CFAP299: variants seen among roughly 807,000 people sequenced by gnomAD.
The protein encoded by CFAP299 is cilia and flagella associated protein 299.
CFAP299 carries 21 observed loss-of-function variants against 27.0 expected under a neutral mutation model. The observed-to-expected ratio is 0.78, with a 90% CI of 0.55 to 1.12. CFAP299 has a LOEUF of 1.12. CFAP299 is among the 50% of genes most tolerant of loss of function. The pLI is 0.00. For synonymous variants in CFAP299, 104 were observed against 98.1 expected, an observed-to-expected ratio of 1.06 and a Z score of -0.36; for missense variants, 310 against 276.6, an observed-to-expected ratio of 1.12 and a Z score of -0.86.
intron 4 of CFAP299, chr4:80,871,666 G>A: frequency 1.0e-6 from 1 of 973,586 alleles, no homozygotes; most frequent in Non-Finnish European, 1.2e-6. Flanking sequence ...TAAAAACACT[G>A]AATTCTATTA....
Position 80,402,740 on chromosome 4 carries a change from T to C in CFAP299, c.242+39856T>C, listed in dbSNP as rs562415048. Among the ~76,000 whole-genome samples, 41 of 152,336 alleles carry C rather than the reference T, an allele frequency of 2.7e-4. 1 individual carries two copies. The highest frequency in any genetic ancestry group is 9.1e-4 in the African/African-American group (38 of 41,580). On this transcript the variant is annotated intron_variant, in intron 2 of 5. Coordinates refer to ENST00000358105, the MANE Select transcript of CFAP299 (RefSeq NM_152770.3). ...AAACTGCTCTGGATTTCTAACAATA[T>C]TCTCCTGCCTCATATAACAAAATTA...
intron 2 of CFAP299, chr4:80,386,157 G>A (rs1234637627): frequency 3.4e-6 from 2 of 584,578 alleles, no homozygotes; most frequent in Admixed American, 3.2e-5. Context: ...GCCTTCCCAG[G>A]AAACGAACAC....
At chr4:80,902,458 A>C (rs374147096) in intron 4 of CFAP299, among the ~76,000 whole-genome samples, 28 of 117,576 alleles carry the variant, frequency 2.4e-4, no homozygotes, top group Middle Eastern at 9.2e-3. Context: ...ATACATATAT[A>C]CATATATGTA....
chr4:80,329,303 A>C, the CFAP299 span, among the ~76,000 whole-genome samples: 141 of 150,790 alleles, frequency 9.4e-4, no homozygotes, highest in African/African-American at 3.3e-3. Context: ...TACTTAGTTC[A>C]TCTTCTTCCT....
chr4:80,424,265 T>C (rs888515716), intron 2 of CFAP299, among the ~76,000 whole-genome samples: 4 of 152,196 alleles, frequency 2.6e-5, no homozygotes, highest in Admixed American at 2.6e-4. Context: ...GAAGGCAAGG[T>C]TGCAGTTTCA....
intron 4 of CFAP299, among the ~76,000 whole-genome samples, chr4:80,878,809 A>T (rs901196648): frequency 1.3e-5 from 2 of 152,122 alleles, no homozygotes; most frequent in African/African-American, 4.8e-5. Context: ...TCAATGTAGA[A>T]ATAAGCTATG....
chr4:80,494,305 C>T (rs943520750), intron 2 of CFAP299, among the ~76,000 whole-genome samples: 8 of 152,236 alleles, frequency 5.3e-5, no homozygotes, highest in Admixed American at 2.0e-4. Flanking sequence ...ACCAGCTCTT[C>T]GCACTATCCT....
chr4:80,961,751 C>T (rs1419316230), intron 5 of CFAP299, among the ~76,000 whole-genome samples: 1 of 151,848 alleles, frequency 6.6e-6, no homozygotes, highest in African/African-American at 2.4e-5. Context: ...AAGCATTGTA[C>T]TTTTTCCTGA....
At chr4:80,897,751 T>C (rs1181581545) in intron 4 of CFAP299, among the ~76,000 whole-genome samples, 1 of 152,180 alleles carries the variant, frequency 6.6e-6, no homozygotes, top group Non-Finnish European at 1.5e-5. Flanking sequence ...CTGTATAATC[T>C]ATTTGAGCAC....
chr4:80,571,002 G>A (rs1000429551), intron 2 of CFAP299, among the ~76,000 whole-genome samples: 2 of 152,060 alleles, frequency 1.3e-5, no homozygotes, highest in South Asian at 2.1e-4. Context: ...TCAAAAACAA[G>A]CAAAATTACA....
chr4:80,941,329 TA>T (rs1380278016), intron 4 of CFAP299, among the ~76,000 whole-genome samples: 2 of 152,162 alleles, frequency 1.3e-5, no homozygotes, highest in Non-Finnish European at 2.9e-5. Flanking sequence ...GAATTCACAC[TA>T]CCAGAAATTT....
At chr4:80,751,286 T>G (rs972437182) in intron 3 of CFAP299, among the ~76,000 whole-genome samples, 7 of 152,160 alleles carry the variant, frequency 4.6e-5, no homozygotes, top group Non-Finnish European at 8.8e-5. Flanking sequence ...TTGGGAGGTC[T>G]CAGTCAGGAG....
intron 4 of CFAP299, among the ~76,000 whole-genome samples, chr4:80,882,165 T>G (rs1196878577): frequency 6.6e-6 from 1 of 151,612 alleles, no homozygotes; most frequent in Non-Finnish European, 1.5e-5. Context: ...AGAATAGAGA[T>G]AAAAATTGGT....
intron 3 of CFAP299, among the ~76,000 whole-genome samples, chr4:80,732,660 C>A (rs1046622597): frequency 1.3e-5 from 2 of 152,154 alleles, no homozygotes; most frequent in Admixed American, 6.5e-5. Flanking sequence ...TCTTGCTTGA[C>A]ACTCTTTCCT....
At chr4:80,729,191 G>A (rs115103574) in intron 3 of CFAP299, among the ~76,000 whole-genome samples, 322 of 152,248 alleles carry the variant, frequency 2.1e-3, no homozygotes, top group Non-Finnish European at 3.3e-3. Flanking sequence ...TTAAGTTTCT[G>A]TGTGCAAGCT....
intron 5 of CFAP299, among the ~76,000 whole-genome samples, chr4:80,962,819 C>T (rs1738411547): frequency 6.6e-6 from 1 of 151,906 alleles, no homozygotes; most frequent in African/African-American, 2.4e-5. Flanking sequence ...TCTAATTGTA[C>T]ATACTGTGCA....
At chr4:80,372,369 A>G (rs1176037576) in intron 2 of CFAP299, among the ~76,000 whole-genome samples, 1 of 152,232 alleles carries the variant, frequency 6.6e-6, no homozygotes, top group Non-Finnish European at 1.5e-5. Flanking sequence ...GATTCAAACC[A>G]TACGAATGGG....
chr4:80,936,146 A>G lies in CFAP299; in HGVS notation c.477-8664A>G, dbSNP rs192951479. 4.1e-3 allele frequency among the ~76,000 whole-genome samples: 617 copies of G among 152,082 alleles called. 1 individual carries two copies. The highest frequency in any genetic ancestry group is 0.014 in the Middle Eastern group (4 of 294). On this transcript the variant is annotated intron_variant, in intron 4 of 5. Transcript: ENST00000358105. ...CTTTTGCATCAACCTATCAAAGATG[A>G]TGATGAGCTTGTGGAGAAATGGGAA...
At chr4:80,447,749 G>A (rs946197135) in intron 2 of CFAP299, among the ~76,000 whole-genome samples, 2 of 152,054 alleles carry the variant, frequency 1.3e-5, no homozygotes, top group African/African-American at 2.4e-5. Flanking sequence ...CACCATGCCC[G>A]GCCAACAATT....
Sources: allele counts gnomAD v4.1 joint callset (sites outside exome capture counted in the v4.1 genomes callset), GRCh38; gene constraint gnomAD v4.1.1; transcripts MANE v1.5; gene names NCBI Gene and HGNC (gene_info 2026-07-23, HGNC 2026-07-21).